The following GPR158 variants were observed in gnomAD, a reference collection of about 807,000 sequenced individuals.
The protein encoded by GPR158 is metabotropic glycine receptor.
In GPR158, 30 loss-of-function variants were observed where a neutral mutation model predicts 78.2. That is an observed-to-expected ratio of 0.38 (90% CI 0.29 to 0.52). GPR158 has a LOEUF of 0.52. Among genes scored for constraint, GPR158 ranks in the 20% least tolerant of loss-of-function variants. The pLI is 0.83. For missense variants in GPR158, 1,463 were observed against 1,523.5 expected (o/e 0.96, Z 0.66); for synonymous variants, 581 against 591.1 (o/e 0.98, Z 0.25).
chr10:25,384,356 T>C (rs897899406), intron 2 of GPR158, among the ~76,000 whole-genome samples: 1 of 152,200 alleles, frequency 6.6e-6, no homozygotes, highest in Non-Finnish European at 1.5e-5. Context: ...AAACTTTCAA[T>C]GGCTCCAGAG....
In GPR158 at chr10:25,486,532, G is replaced by A. The variant is rs141613206; in HGVS notation, c.1404+19813G>A. 4.5e-3 allele frequency among the ~76,000 whole-genome samples: 679 copies of A among 152,238 alleles called. 10 individuals carry two copies. The highest frequency in any genetic ancestry group is 0.016 in the African/African-American group (646 of 41,544). On this transcript the variant is annotated intron_variant, in intron 5 of 10. Transcript: ENST00000376351. The stretch of plus-strand genomic sequence containing the variant: ...CTAACCCTTATCCAACCCCGAATAC[G>A]TTAGTCGATGAAGTGCATATCCTCA...
chr10:25,253,597 C>G (rs539913144), intron 2 of GPR158, among the ~76,000 whole-genome samples: 3 of 152,222 alleles, frequency 2.0e-5, no homozygotes, highest in South Asian at 2.1e-4. Flanking sequence ...CTAATTTTTA[C>G]AAGCTTGCTG....
intron 5 of GPR158, among the ~76,000 whole-genome samples, chr10:25,475,274 A>G (rs1835566895): frequency 6.6e-6 from 1 of 152,154 alleles, no homozygotes; most frequent in Non-Finnish European, 1.5e-5. Context: ...GGAAAAAAAC[A>G]AAAACGGAGG....
intron 5 of GPR158, among the ~76,000 whole-genome samples, chr10:25,520,748 C>T (rs955757646): frequency 3.9e-5 from 6 of 152,144 alleles, no homozygotes; most frequent in African/African-American, 1.4e-4. Flanking sequence ...TCTGCAGCTG[C>T]GTGCTGGGAG....
intron 4 of GPR158, among the ~76,000 whole-genome samples, chr10:25,448,370 G>A (rs542736852): frequency 1.7e-4 from 26 of 152,188 alleles, no homozygotes; most frequent in Admixed American, 1.4e-3. Context: ...GATTACAGGC[G>A]TGAGCCACCA....
intron 5 of GPR158, among the ~76,000 whole-genome samples, chr10:25,516,295 G>C (rs1191921620): frequency 0.034 from 4,974 of 147,830 alleles, 282 homozygotes; most frequent in African/African-American, 0.12. Flanking sequence ...AGTAGGTTGC[G>C]AAAATTTTCT....
intron 6 of GPR158, among the ~76,000 whole-genome samples, chr10:25,560,305 A>G (rs374801613): frequency 1.3e-5 from 2 of 152,188 alleles, no homozygotes; most frequent in African/African-American, 4.8e-5. Context: ...TCGCTCTGTC[A>G]CCCAGGCTGG....
intron 2 of GPR158, among the ~76,000 whole-genome samples, chr10:25,349,134 C>A (rs938882756): frequency 2.6e-5 from 4 of 152,002 alleles, no homozygotes; most frequent in Admixed American, 6.6e-5. Flanking sequence ...CTGGTTACTT[C>A]TGGAGACTCT....
chr10:25,195,153 TA>T (rs554820325), intron 1 of GPR158, among the ~76,000 whole-genome samples: 2,908 of 145,434 alleles, frequency 0.02, 97 homozygotes, highest in African/African-American at 0.066. Context: ...TTTATTATGT[TA>T]AAAAAAAAAA....
At chr10:25,473,346 A>G (rs1400970304) in intron 5 of GPR158, among the ~76,000 whole-genome samples, 2 of 152,116 alleles carry the variant, frequency 1.3e-5, no homozygotes, top group African/African-American at 4.8e-5. Context: ...GTGCTGCTGG[A>G]TTCGGTTCGC....
chr10:25,274,735 T>G (rs1168985647), intron 2 of GPR158, among the ~76,000 whole-genome samples: 1 of 152,224 alleles, frequency 6.6e-6, no homozygotes, highest in Non-Finnish European at 1.5e-5. Context: ...ACTGAAGAGA[T>G]ATTATGAAGT....
chr10:25,473,847 A>G (rs1482054167), intron 5 of GPR158, among the ~76,000 whole-genome samples: 1 of 152,106 alleles, frequency 6.6e-6, no homozygotes, highest in East Asian at 1.9e-4. Flanking sequence ...TTCTCAGATA[A>G]AACATGATCT....
At chr10:25,385,798 G>T (rs1034295284) in intron 2 of GPR158, among the ~76,000 whole-genome samples, 41 of 152,006 alleles carry the variant, frequency 2.7e-4, no homozygotes, top group African/African-American at 9.9e-4. Flanking sequence ...TTAAAATCAG[G>T]TTATTTGTTT....
intron 1 of GPR158, among the ~76,000 whole-genome samples, chr10:25,188,098 A>G (rs941300402): frequency 4.6e-5 from 7 of 152,166 alleles, no homozygotes; most frequent in African/African-American, 7.2e-5. Context: ...ACCTCTTCAA[A>G]GAGAACTACA....
At position 25,559,891 on chromosome 10, in the gene GPR158, C is replaced by A. The variant is rs563824690; in HGVS notation, c.1514+8806C>A. ...TGTCACAATATGTAACTCTTCTGAT[C>A]TGTAACAGGTAAGGTGGTGTGGAAG... On this transcript the variant is annotated intron_variant, in intron 6 of 10. Transcript: ENST00000376351. 4.7e-4 allele frequency among the ~76,000 whole-genome samples: 72 copies of A among 152,288 alleles called. No homozygotes were observed. The South Asian group carries it at 0.014, about 30-fold the overall frequency.
chr10:25,216,507 TTC>T (rs1284709200), intron 1 of GPR158, among the ~76,000 whole-genome samples: 1 of 152,188 alleles, frequency 6.6e-6, no homozygotes, highest in African/African-American at 2.4e-5. Flanking sequence ...TACTCCTTGC[TTC>T]TCTCATGTCT....
At chr10:25,480,482 C>T (rs114816528) in intron 5 of GPR158, among the ~76,000 whole-genome samples, 100 of 152,298 alleles carry the variant, frequency 6.6e-4, no homozygotes, top group African/African-American at 2.1e-3. Context: ...ATTCATTAAA[C>T]GATAACTTCC....
At chr10:25,430,837 C>A (rs1323146687) in intron 4 of GPR158, among the ~76,000 whole-genome samples, 1 of 151,576 alleles carries the variant, frequency 6.6e-6, no homozygotes, top group East Asian at 1.9e-4. Flanking sequence ...GGATCCCTTC[C>A]TTACACCTTA....
intron 2 of GPR158, among the ~76,000 whole-genome samples, chr10:25,251,444 G>T (rs1853798355): frequency 6.6e-6 from 1 of 151,866 alleles, no homozygotes. Flanking sequence ...ATTTGCAGCG[G>T]CTGGTACTGG....
Sources: gnomAD v4.1 joint callset for allele counts (sites outside exome capture counted in the v4.1 genomes callset) on GRCh38, gnomAD v4.1.1 for gene constraint, MANE v1.5 for transcripts, NCBI Gene and HGNC (gene_info 2026-07-23, HGNC 2026-07-21) for gene names.